The following EPHB1 variants were observed in gnomAD, a reference collection of about 807,000 sequenced individuals.
The protein encoded by EPHB1 is ephrin type-B receptor 1.
Under a neutral mutation model 94.4 loss-of-function variants are expected in EPHB1, and 30 were observed. That is an observed-to-expected ratio of 0.32 (90% CI 0.24 to 0.43). The LOEUF is 0.43. Ranked by LOEUF, EPHB1 falls within the 20% of genes least tolerant of loss-of-function variation. The probability of loss-of-function intolerance (pLI) is 1.00; values close to 1 mark genes in which losing one functional copy is unlikely to be tolerated. For missense variants in EPHB1, 1,055 were observed against 1,308.3 expected, an observed-to-expected ratio of 0.81 and a Z score of 2.99; for synonymous variants, 522 against 489.1, an observed-to-expected ratio of 1.07 and a Z score of -0.89.
intron 12 of EPHB1, among the ~76,000 whole-genome samples, chr3:135,233,388 G>T (rs1943577767): frequency 6.6e-6 from 1 of 152,228 alleles, no homozygotes. Flanking sequence ...GATATCCTTT[G>T]ATTCCATGTC....
chr3:134,947,376 C>T (rs540301495), intron 2 of EPHB1, among the ~76,000 whole-genome samples: 1 of 152,298 alleles, frequency 6.6e-6, no homozygotes, highest in East Asian at 1.9e-4. Flanking sequence ...TCCTGAAGCC[C>T]ACTCTGATCA....
rs532677782 is a variant in EPHB1 at position 134,804,919 on chromosome 3, G to A, written c.58+9230G>A. Among the ~76,000 whole-genome samples the A allele has an allele frequency of 4.8e-4, 73 of 152,372 alleles. 1 individual carries two copies. Among genetic ancestry groups the A allele is most frequent in the African/African-American group, 1.8e-3 (73 of 41,588 alleles). On this transcript the variant is annotated intron_variant, in intron 1 of 15. Coordinates refer to ENST00000398015, the MANE Select transcript of EPHB1 (RefSeq NM_004441.5). ...CGTGGCAGTGGAAAGGGCTGAGCAG[G>A]AGGATGAGGAATAATTGCAGGTGGC...
At chr3:135,252,094 C>A (rs1403692943) in intron 15 of EPHB1, among the ~76,000 whole-genome samples, 1 of 151,976 alleles carries the variant, frequency 6.6e-6, no homozygotes, top group Non-Finnish European at 1.5e-5. Context: ...TGGAATGGCA[C>A]ATGCAAAGTA....
At chr3:135,027,083 G>A (rs1176935243) in intron 3 of EPHB1, among the ~76,000 whole-genome samples, 1 of 146,604 alleles carries the variant, frequency 6.8e-6, no homozygotes, top group African/African-American at 2.5e-5. Flanking sequence ...AGACTTTGCT[G>A]AAGTTGCTTA....
chr3:135,246,014 C>G (rs1943914738), intron 13 of EPHB1, among the ~76,000 whole-genome samples: 1 of 152,132 alleles, frequency 6.6e-6, no homozygotes, highest in Admixed American at 6.5e-5. Flanking sequence ...CAGAAAGGCC[C>G]TGACTCCAGT....
In EPHB1 at chr3:135,221,796, C is replaced by G. The variant is rs140427290; in HGVS notation, c.2347-19352C>G. Among the ~76,000 whole-genome samples, 486 of 152,218 alleles carry G rather than the reference C, an allele frequency of 3.2e-3. 4 individuals are homozygous for G. Among genetic ancestry groups the G allele is most frequent in the African/African-American group, 0.011 (463 of 41,516 alleles). ...GAAGGAGACATATTGTTTTGAAATT[C>G]TTTAAGTAAACCCCTAATGTCCTAA... On this transcript the variant is annotated intron_variant, in intron 12 of 15. Transcript: ENST00000398015.
chr3:135,174,481 T>G lies in EPHB1; in HGVS notation c.1760-5379T>G, dbSNP rs140756895. 5.8e-3 allele frequency among the ~76,000 whole-genome samples: 882 copies of G among 152,360 alleles called. 6 individuals carry two copies. The highest frequency in any genetic ancestry group is 8.5e-3 in the Non-Finnish European group (580 of 68,038). On this transcript the variant is annotated intron_variant, in intron 9 of 15. Transcript: ENST00000398015. Reference sequence around the variant, plus strand: ...CCTGAAGACTGGCACCCATAGCCTCTGCCTTTTCTGGTCTCTGCAGCACTT... The same window carrying G: ...CCTGAAGACTGGCACCCATAGCCTCGGCCTTTTCTGGTCTCTGCAGCACTT...
intron 12 of EPHB1, among the ~76,000 whole-genome samples, chr3:135,231,660 C>A (rs1006499432): frequency 2.6e-5 from 4 of 152,208 alleles, no homozygotes; most frequent in Non-Finnish European, 4.4e-5. Flanking sequence ...TTCTGCCATT[C>A]ATTTTGGAGG....
chr3:135,056,285 C>T (rs994528553), intron 3 of EPHB1, among the ~76,000 whole-genome samples: 3 of 152,324 alleles, frequency 2.0e-5, no homozygotes, highest in South Asian at 2.1e-4. Context: ...GCTCACCCTC[C>T]GTGGCCTCCT....
At chr3:134,798,290 G>T (rs1417872468) in intron 1 of EPHB1, among the ~76,000 whole-genome samples, 2 of 152,304 alleles carry the variant, frequency 1.3e-5, no homozygotes, top group East Asian at 1.9e-4. Context: ...GTAAGGAGAT[G>T]TGGCCAGAGG....
intron 3 of EPHB1, among the ~76,000 whole-genome samples, chr3:134,973,876 G>T (rs1160751538): frequency 6.6e-6 from 1 of 152,182 alleles, no homozygotes; most frequent in African/African-American, 2.4e-5. Context: ...CTCTGCAGCT[G>T]CAGGATTCAA....
chr3:135,023,301 A>T (rs1293546746), intron 3 of EPHB1, among the ~76,000 whole-genome samples: 1 of 152,222 alleles, frequency 6.6e-6, no homozygotes, highest in Non-Finnish European at 1.5e-5. Context: ...TCTCCCATGG[A>T]GTACAGCAGT....
intron 12 of EPHB1, 94 bp from the exon 13 acceptor site, chr3:135,241,054 A>C (rs767493451): frequency 1.4e-6 from 2 of 1,412,338 alleles, no homozygotes; most frequent in Non-Finnish European, 2.0e-6. Flanking sequence ...TATGGGAGTG[A>C]GAGTTTGGAA....
chr3:135,065,361 A>G, intron 3 of EPHB1, among the ~76,000 whole-genome samples: 1 of 152,080 alleles, frequency 6.6e-6, no homozygotes, highest in East Asian at 1.9e-4. Context: ...TCTATTAGTA[A>G]TTGTTTTATA....
intron 3 of EPHB1, among the ~76,000 whole-genome samples, chr3:135,093,445 C>G (rs1398621818): frequency 6.6e-6 from 1 of 152,124 alleles, no homozygotes; most frequent in East Asian, 1.9e-4. Context: ...TAGCCAGACA[C>G]GGTGGCCCAC....
intron 1 of EPHB1, among the ~76,000 whole-genome samples, chr3:134,917,436 A>G (rs1225721122): frequency 6.6e-6 from 1 of 152,160 alleles, no homozygotes; most frequent in Non-Finnish European, 1.5e-5. Context: ...GGGCCTTCCC[A>G]CTTTTTCATG....
chr3:135,031,497 G>A (rs182532356), intron 3 of EPHB1, among the ~76,000 whole-genome samples: 1 of 152,164 alleles, frequency 6.6e-6, no homozygotes, highest in East Asian at 1.9e-4. Context: ...TTTTGTAGAG[G>A]CAGGGTTTCT....
intron 5 of EPHB1, among the ~76,000 whole-genome samples, chr3:135,153,921 G>T (rs1299293554): frequency 1.3e-5 from 2 of 152,080 alleles, no homozygotes; most frequent in Non-Finnish European, 2.9e-5. Context: ...TCCAGCTCCT[G>T]TGCACACATG....
intron 1 of EPHB1, among the ~76,000 whole-genome samples, chr3:134,911,677 C>T (rs79016908): frequency 0.033 from 5,026 of 152,208 alleles, 278 homozygotes; most frequent in African/African-American, 0.11. Flanking sequence ...CTAAGAATGG[C>T]GAATACTTGG....
Sources: allele counts gnomAD v4.1 joint callset (sites outside exome capture counted in the v4.1 genomes callset), GRCh38; gene constraint gnomAD v4.1.1; transcripts MANE v1.5; gene names NCBI Gene and HGNC (gene_info 2026-07-23, HGNC 2026-07-21).